The following PTPRJ variants were observed in gnomAD, a reference collection of about 807,000 sequenced individuals.
The protein encoded by PTPRJ is receptor-type tyrosine-protein phosphatase eta.
A neutral mutation model predicts 141.3 loss-of-function variants in PTPRJ; 129 were observed. That is an observed-to-expected ratio of 0.91 (90% confidence interval 0.79 to 1.06). The LOEUF (loss-of-function observed/expected upper bound fraction) is 1.06. Ranked by LOEUF, PTPRJ falls within the 50% of genes least tolerant of loss-of-function variation. PTPRJ has a pLI of 0.00. For missense variants in PTPRJ, 1,601 were observed against 1,679.7 expected (o/e 0.95, Z 0.82); for synonymous variants, 610 against 640.5 (o/e 0.95, Z 0.72).
intron 3 of PTPRJ, among the ~76,000 whole-genome samples, chr11:48,119,686 G>A (rs755996194): frequency 6.6e-6 from 1 of 152,216 alleles, no homozygotes; most frequent in Non-Finnish European, 1.5e-5. Context: ...TTACAGGCAT[G>A]AGCCAGTGTG....
intron 1 of PTPRJ, among the ~76,000 whole-genome samples, chr11:48,074,602 G>A (rs1398827099): frequency 6.6e-6 from 1 of 152,180 alleles, no homozygotes; most frequent in East Asian, 1.9e-4. Context: ...AACCCAGAGG[G>A]GGTGTTAGTA....
In PTPRJ at chr11:48,134,392, GGTT is replaced by G. The variant is rs1357702367; in HGVS notation, c.1616-1643_1616-1641del. Among the ~76,000 whole-genome samples, 3 of 152,128 alleles carry G rather than the reference GGTT, an allele frequency of 2.0e-5. No homozygotes were observed. The East Asian group carries it at 5.8e-4, about 29-fold the overall frequency. ...CCCTCCCCATGTTATTGAATATTTA[GGTT>G]GTTTCTAGGTTTTTATGTTTATAGA... On this transcript the variant is annotated intron_variant, in intron 8 of 24. Transcript: ENST00000418331.
chr11:47,997,816 C>T (rs1242557142), intron 1 of PTPRJ, among the ~76,000 whole-genome samples: 1 of 152,098 alleles, frequency 6.6e-6, no homozygotes, highest in African/African-American at 2.4e-5. Context: ...CCCACTAGCT[C>T]CCTGGAGCAA....
At chr11:48,052,629 CAACTTAATCAGTGGGA>C (rs1181394155) in intron 1 of PTPRJ, among the ~76,000 whole-genome samples, 1 of 152,100 alleles carries the variant, frequency 6.6e-6, no homozygotes, top group Non-Finnish European at 1.5e-5. Context: ...TTAAGGGGAG[CAACTTAATCAGTGGGA>C]AACCAGATCT....
chr11:48,086,471 C>T (rs993835055), intron 1 of PTPRJ, among the ~76,000 whole-genome samples: 2 of 152,198 alleles, frequency 1.3e-5, no homozygotes, highest in African/African-American at 4.8e-5. Flanking sequence ...CGTGCCCAGC[C>T]CAGAAAGGAC....
At chr11:48,069,750 T>C (rs1158016196) in intron 1 of PTPRJ, among the ~76,000 whole-genome samples, 1 of 152,200 alleles carries the variant, frequency 6.6e-6, no homozygotes, top group African/African-American at 2.4e-5. Flanking sequence ...TGGCCTTGCA[T>C]TGACAATTAA....
chr11:48,093,095 T>A (rs1025811645), intron 1 of PTPRJ, among the ~76,000 whole-genome samples: 4 of 152,378 alleles, frequency 2.6e-5, no homozygotes, highest in Middle Eastern at 3.4e-3. Context: ...AGTGTGTTAC[T>A]CTCGTTTTTA....
intron 1 of PTPRJ, among the ~76,000 whole-genome samples, chr11:48,097,593 A>AGTG (rs1856043618): frequency 6.6e-6 from 1 of 151,078 alleles, no homozygotes. Flanking sequence ...GCTGGAGTGT[A>AGTG]GTGGCGTGAT....
chr11:47,987,720 A>G (rs1854086718), intron 1 of PTPRJ, among the ~76,000 whole-genome samples: 1 of 152,168 alleles, frequency 6.6e-6, no homozygotes, highest in South Asian at 2.1e-4. Flanking sequence ...ACCACCTTGT[A>G]TGGCTGGTTT....
intron 1 of PTPRJ, among the ~76,000 whole-genome samples, chr11:48,019,373 C>T (rs921019445): frequency 2.7e-5 from 4 of 150,904 alleles, no homozygotes; most frequent in Admixed American, 6.6e-5. Flanking sequence ...CACCTTCCCC[C>T]GAACCCCACC....
chr11:48,122,666 C>A (rs1189068390), intron 4 of PTPRJ, among the ~76,000 whole-genome samples: 1 of 152,138 alleles, frequency 6.6e-6, no homozygotes, highest in Non-Finnish European at 1.5e-5. Context: ...CCACAGTCAC[C>A]GAGCTGGGAA....
chr11:48,021,424 A>AAAT (rs1855121409), intron 1 of PTPRJ, among the ~76,000 whole-genome samples: 1 of 149,366 alleles, frequency 6.7e-6, no homozygotes, highest in Non-Finnish European at 1.5e-5. Context: ...AATAAATAAA[A>AAAT]TAAAATAAAA....
intron 1 of PTPRJ, among the ~76,000 whole-genome samples, chr11:48,040,548 G>A (rs895311691): frequency 6.6e-6 from 1 of 151,726 alleles, no homozygotes. Flanking sequence ...TGCCTTCAGG[G>A]TGATAGGACA....
At chr11:48,034,756 C>T (rs1226721033) in intron 1 of PTPRJ, among the ~76,000 whole-genome samples, 1 of 152,180 alleles carries the variant, frequency 6.6e-6, no homozygotes, top group Non-Finnish European at 1.5e-5. Context: ...AGCCTGGCTC[C>T]ATGTTCTAGG....
intron 1 of PTPRJ, among the ~76,000 whole-genome samples, chr11:48,054,660 A>T (rs757735552): frequency 6.6e-6 from 1 of 151,958 alleles, no homozygotes; most frequent in Non-Finnish European, 1.5e-5. Context: ...GGCCTCTCAC[A>T]GTGTGGCCCC....
chr11:48,118,629 A>G (rs1172304455), intron 3 of PTPRJ, among the ~76,000 whole-genome samples: 1 of 152,214 alleles, frequency 6.6e-6, no homozygotes, highest in East Asian at 1.9e-4. Context: ...CTTCCTAGAA[A>G]TACAAAAAGG....
chr11:48,151,956 A>G (rs1857495012), intron 18 of PTPRJ, among the ~76,000 whole-genome samples: 1 of 152,222 alleles, frequency 6.6e-6, no homozygotes, highest in African/African-American at 2.4e-5. Context: ...CTTTGGGTAT[A>G]TACCCAGTAA....
intron 1 of PTPRJ, among the ~76,000 whole-genome samples, chr11:48,061,637 G>T (rs189618288): frequency 9.0e-4 from 137 of 152,296 alleles, no homozygotes; most frequent in African/African-American, 3.2e-3. Flanking sequence ...ACCAGCATTT[G>T]CTCTCACCAC....
chr11:48,081,499 C>T (rs1424090832), intron 1 of PTPRJ, among the ~76,000 whole-genome samples: 2 of 152,134 alleles, frequency 1.3e-5, no homozygotes, highest in African/African-American at 2.4e-5. Context: ...GGGTGGCCGC[C>T]GAGGACCATT....
Sources: gnomAD v4.1 joint callset for allele counts (sites outside exome capture counted in the v4.1 genomes callset) on GRCh38, gnomAD v4.1.1 for gene constraint, MANE v1.5 for transcripts, NCBI Gene and HGNC (gene_info 2026-07-23, HGNC 2026-07-21) for gene names.